MIIP: variants seen among roughly 807,000 people sequenced by gnomAD.
The protein encoded by MIIP is migration and invasion-inhibitory protein.
In MIIP, 44 loss-of-function variants were observed where a neutral mutation model predicts 44.8. The ratio of observed to expected loss-of-function variants is 0.98; its 90% CI spans 0.77 to 1.26. The LOEUF is 1.26. MIIP is among the 50% of genes most tolerant of loss of function. The pLI, the probability that MIIP is intolerant of heterozygous loss-of-function variation, is 0.00. For synonymous variants in MIIP, 225 were observed against 218.3 expected, an observed-to-expected ratio of 1.03 and a Z score of -0.27; for missense variants, 496 against 511.7, an observed-to-expected ratio of 0.97 and a Z score of 0.30.
chr1:12,022,197 G>T lies in MIIP; in HGVS notation c.217G>T (p.Val73Leu), dbSNP rs774843057. The T allele has an allele frequency of 3.7e-6, 6 of 1,613,350 alleles. No individual in the cohort carries two copies. Among genetic ancestry groups the T allele is most frequent in the African/African-American group, 2.7e-5 (2 of 74,924 alleles). Residue 73 changes from valine to leucine, a missense_variant, in exon 3 of 10, where the codon GTG becomes TTG. Physicochemically the swap from Val to Leu is conservative, Grantham distance 32 (BLOSUM62 1). Coordinates refer to ENST00000235332, the MANE Select transcript of MIIP (RefSeq NM_021933.4). Reference sequence around the variant, plus strand: ...CTCCTGCCCACGGGGCCGGTCCTCCGTGTGGGGCCCACCAGATGCCTGTCG... The same window carrying T: ...CTCCTGCCCACGGGGCCGGTCCTCCTTGTGGGGCCCACCAGATGCCTGTCG... ...STSCPRGRSS[V>L]WGPPDACRGD...
At chr1:12,023,027 C>A in intron 4 of MIIP, 110 bp downstream of exon 4, 2 of 749,470 alleles carry the variant, frequency 2.7e-6, no homozygotes, top group Non-Finnish European at 4.4e-6. Context: ...GCTTGTTTCT[C>A]TGACCGTGCC....
At chr1:12,022,943 C>T in intron 4 of MIIP, 26 bp downstream of exon 4, 7 of 1,578,298 alleles carry the variant, frequency 4.4e-6, no homozygotes, top group Non-Finnish European at 5.2e-6. Flanking sequence ...GCCCTGCACA[C>T]ACTTTGCCTG....
At chr1:12,025,806 T>G (rs1427611905) in intron 4 of MIIP, among the ~76,000 whole-genome samples, 1 of 152,096 alleles carries the variant, frequency 6.6e-6, no homozygotes, top group Non-Finnish European at 1.5e-5. Flanking sequence ...GTTCAAGCAA[T>G]TCTTCCTCAG....
At position 12,022,357 on chromosome 1, in the gene MIIP, A is replaced by C. The variant is rs368612162; in HGVS notation, c.377A>C (p.Glu126Ala). The C allele has an allele frequency of 3.7e-6, 6 of 1,613,634 alleles. No homozygotes were observed. The Admixed American group carries it at 5.0e-5, about 13-fold the overall frequency. The change falls in exon 3 of 10, where the codon GAG (glutamate) becomes GCG (alanine). Residue 126 changes from glutamate (E) to alanine (A), a missense_variant. By Grantham distance (107) the Glu-to-Ala change is moderately radical (BLOSUM62 -1). Coordinates refer to ENST00000235332, the MANE Select transcript of MIIP (RefSeq NM_021933.4). ...SLGTSSLRDP[E>A]PSGRLGDPGP... The stretch of plus-strand genomic sequence containing the variant: ...GGCACCTCAAGCCTGAGGGACCCAG[A>C]GCCCTCAGGGAGGCTGGGTGATCCA...
At chr1:12,021,985 G>A in intron 2 of MIIP, 110 bp from the exon 3 acceptor site, 1 of 1,347,330 alleles carries the variant, frequency 7.4e-7, no homozygotes, top group Non-Finnish European at 1.0e-6. Context: ...ACTGGCCTTG[G>A]TCACTGCTGA....
chr1:12,022,456 G>A lies in MIIP; in HGVS notation c.462+14G>A, dbSNP rs367853298. 262 of 1,506,892 alleles carry A rather than the reference G, an allele frequency of 1.7e-4. No homozygotes were observed. Among genetic ancestry groups the A allele is most frequent in the Non-Finnish European group, 2.2e-4 (245 of 1,126,622 alleles). 93.3% of individuals were successfully genotyped at this position (1,506,892 alleles called of 1,614,324 possible). On this transcript the variant is annotated intron_variant, in intron 3 of 9. Transcript: ENST00000235332. ...AAGCTGTCCAAGGTAACGTGGGAGA[G>A]CGGGACATCTGCTGATGGGAGGAGC... is the stretch of plus-strand genomic sequence containing the variant.
chr1:12,029,045 C>G lies in MIIP; in HGVS notation c.560C>G (p.Thr187Ser), dbSNP rs1200822291. Residue 187 changes from threonine (T) to serine (S), a missense_variant, in exon 5 of 10, where the codon ACC becomes AGC. Coordinates refer to ENST00000235332, the MANE Select transcript of MIIP (RefSeq NM_021933.4). ...GYDWIAGSLD[T>S]SSSITSQPEA... is the part of the protein sequence containing the mutation. ...TTGCCCACACCAGGGTCTCTGGACA[C>G]CAGCTCTTCCATCACCAGCCAGCCT... The G allele has an allele frequency of 1.2e-6, 2 of 1,614,086 alleles. No homozygotes were observed. The highest frequency in any genetic ancestry group is 1.7e-6 in the Non-Finnish European group (2 of 1,179,954).
In MIIP at chr1:12,022,251, G is replaced by A. The variant is rs1182697161; in HGVS notation, c.271G>A (p.Gly91Arg). The A allele has an allele frequency of 6.2e-7, 1 of 1,613,514 alleles. No individual in the cohort carries two copies. The highest frequency in any genetic ancestry group is 1.7e-5 in the Admixed American group (1 of 59,958). The change falls in exon 3 of 10, where the codon GGG (glycine) becomes AGG (arginine). Residue 91 changes from glycine (G) to arginine (R), a missense_variant. By Grantham distance (125) the Gly-to-Arg change is moderately radical. Transcript: ENST00000235332. ...GGACCTCCGTGATGTGGCCAGATCG[G>A]GGGTGGCCTCTCTCCCACCTGCCAA... The part of the protein sequence containing the change: ...RGDLRDVARS[G>R]VASLPPAKCQ...
In MIIP at chr1:12,029,916, A is replaced by G. The variant is rs112758519; in HGVS notation, c.845+22A>G. 6.5e-5 allele frequency: 104 copies of G among 1,611,594 alleles called. No homozygotes were observed. In the African/African-American group the frequency reaches 1.2e-3, roughly 19 times the overall value. ...TCAGGTGAGTGACCAGAGTATTGGG[A>G]CACCTTGGGGGACAGAGCCTGAACC... On this transcript the variant is annotated intron_variant, in intron 7 of 9. Coordinates refer to ENST00000235332, the MANE Select transcript of MIIP (RefSeq NM_021933.4).
At position 12,031,905 on chromosome 1, in the gene MIIP, C is replaced by T. The variant is rs2295292; in HGVS notation, c.*97C>T. 1.5e-3 allele frequency: 1,855 copies of T among 1,272,962 alleles called. 43 individuals are homozygous for T. The East Asian group carries it at 0.035, about 24-fold the overall frequency. The allele number at this position is 1,272,962 out of a possible 1,614,324, so 78.9% of individuals were successfully genotyped here. A position where few individuals can be genotyped will look rare whatever the true frequency, so the allele number is the denominator to read the frequency against. On this transcript the variant is annotated 3_prime_UTR_variant, in exon 10 of 10. Transcript: ENST00000235332. ...GATGGAATCCCCTGCCCGCCCAGCT[C>T]AGGCCCAGCTGTCCTAGGTTGGGCA...
At chr1:12,024,081 C>T (rs1024782976) in intron 4 of MIIP, 24 of 152,176 alleles carry the variant, frequency 1.6e-4, no homozygotes, top group African/African-American at 5.3e-4. Context: ...CTGTCACTGA[C>T]TGTGAGTATA....
At chr1:12,024,527 C>T (rs1350517641) in intron 4 of MIIP, among the ~76,000 whole-genome samples, 2 of 152,202 alleles carry the variant, frequency 1.3e-5, no homozygotes, top group Non-Finnish European at 2.9e-5. Flanking sequence ...GATTCACCTG[C>T]CTCAGCGTCC....
Position 12,029,778 on chromosome 1 carries a change from C to A in MIIP, c.729C>A (p.Tyr243Ter), listed in dbSNP as rs749618686. 1.9e-6 allele frequency: 3 copies of A among 1,613,114 alleles called. No homozygotes were observed. Among genetic ancestry groups the A allele is most frequent in the African/African-American group, 2.7e-5 (2 of 75,014 alleles). The stretch of plus-strand genomic sequence containing the variant: ...TGGGCCTCGCAGGCGTGTACTGTTA[C>A]CGTGTCAACCGGCGCCTGTTCCCGG... ...VEEDHECVYC[Y>*]RVNRRLFPVP... Residue 243 changes from tyrosine (Y) to a stop codon, truncating the protein, a stop_gained, in exon 7 of 10, where the codon TAC (tyrosine) becomes TAA (stop). Coordinates refer to ENST00000235332, the MANE Select transcript of MIIP (RefSeq NM_021933.4). LOFTEE classifies it high-confidence loss of function.
chr1:12,029,152 G>T lies in MIIP; in HGVS notation c.656+11G>T. 1.2e-6 allele frequency: 2 copies of T among 1,613,708 alleles called. No homozygotes were observed. The highest frequency in any genetic ancestry group is 2.2e-5 in the South Asian group (2 of 91,080). On this transcript the variant is annotated intron_variant, in intron 5 of 9. Transcript: ENST00000235332. The stretch of plus-strand genomic sequence containing the variant: ...CTGCAGCCATCCTGAGTGAGCAGGG[G>T]CGGGCGAGGGTGGGCGAGGGCGGCT...
intron 1 of MIIP, among the ~76,000 whole-genome samples, chr1:12,019,768 C>T (rs1284821141): frequency 1.3e-5 from 2 of 152,264 alleles, no homozygotes; most frequent in African/African-American, 4.8e-5. Flanking sequence ...CTCCGCTCAG[C>T]TTTTCCCTTT....
intron 4 of MIIP, among the ~76,000 whole-genome samples, chr1:12,023,216 A>G (rs1231710255): frequency 2.7e-5 from 4 of 150,868 alleles, no homozygotes; most frequent in Non-Finnish European, 5.9e-5. Context: ...GGCGAGCACC[A>G]CCACGCCCGG....
rs944415374 is a variant in MIIP, at chr1:12,021,745, C to G, written c.19C>G (p.Leu7Val). 15 of 1,612,686 alleles carry G rather than the reference C, an allele frequency of 9.3e-6. No individual in the cohort carries two copies. The highest frequency in any genetic ancestry group is 1.3e-5 in the African/African-American group (1 of 74,886). ...GCCCAGGATGGTGGAGGCTGAGGAA[C>G]TGGCACAGCTGCGGCTGCTCAATCT... MVEAEE[L>V]AQLRLLNLEL... The change falls in exon 2 of 10, where the codon CTG (leucine) becomes GTG (valine). Residue 7 changes from leucine to valine, a missense_variant. Coordinates refer to ENST00000235332, the MANE Select transcript of MIIP (RefSeq NM_021933.4).
At chr1:12,021,552 GC>G (rs1639975790) in intron 1 of MIIP, 92 bp from the exon 2 acceptor site, 1 of 600,132 alleles carries the variant, frequency 1.7e-6, no homozygotes, top group African/African-American at 1.9e-5. Flanking sequence ...TAAATAACTT[GC>G]CTGAGGCAGT....
intron 8 of MIIP, among the ~76,000 whole-genome samples, chr1:12,030,495 G>C (rs559452495): frequency 2.6e-5 from 4 of 151,982 alleles, no homozygotes; most frequent in Non-Finnish European, 2.9e-5. Flanking sequence ...CGAAGCAGAG[G>C]GGGAGGCGCC....
Sources: allele counts gnomAD v4.1 joint callset (sites outside exome capture counted in the v4.1 genomes callset), GRCh38; gene constraint gnomAD v4.1.1; transcripts MANE v1.5; gene names NCBI Gene and HGNC (gene_info 2026-07-23, HGNC 2026-07-21).